The following CIB1 variants were observed in gnomAD, a reference collection of about 807,000 sequenced individuals.
CIB1 encodes the protein calcium and integrin-binding protein 1.
CIB1 carries 19 observed loss-of-function variants against 25.0 expected under a neutral mutation model. That is an observed-to-expected ratio of 0.76 (90% confidence interval 0.53 to 1.12). The LOEUF is 1.12. CIB1 is among the 50% of genes most tolerant of loss of function. The probability of loss-of-function intolerance (pLI) is 0.00; values close to 1 mark genes in which losing one functional copy is unlikely to be tolerated. For synonymous variants in CIB1, 104 were observed against 98.5 expected, an observed-to-expected ratio of 1.06 and a Z score of -0.33; for missense variants, 236 against 242.6, an observed-to-expected ratio of 0.97 and a Z score of 0.18.
the CIB1 span, chr15:90,262,010 G>GA: frequency 4.6e-6 from 7 of 1,532,138 alleles, no homozygotes; most frequent in Admixed American, 9.9e-5. Flanking sequence ...CCACAGGAAA[G>GA]AAAAAACTGA....
the CIB1 span, chr15:90,265,439 A>G: frequency 3.1e-6 from 4 of 1,308,320 alleles, no homozygotes; most frequent in South Asian, 7.1e-5. Context: ...GGCTCTTGGA[A>G]ACGGAATCCG....
the CIB1 span, chr15:90,257,588 G>T: frequency 7.1e-6 from 11 of 1,559,856 alleles, no homozygotes; most frequent in Non-Finnish European, 1.8e-6. Flanking sequence ...GGCTGGAGAG[G>T]ACGGCCGCAT....
At chr15:90,257,223 A>C in the CIB1 span, 11 of 1,614,068 alleles carry the variant, frequency 6.8e-6, no homozygotes, top group Non-Finnish European at 9.3e-6. Context: ...TTCACATATG[A>C]GGAGGGCCTA....
At chr15:90,258,528 T>C in the CIB1 span, 7 of 613,616 alleles carry the variant, frequency 1.1e-5, no homozygotes, top group South Asian at 1.2e-4. Flanking sequence ...AGGGACACAC[T>C]ATCTAGAGAG....
the CIB1 span, chr15:90,251,739 T>G: frequency 2.6e-6 from 2 of 761,694 alleles, no homozygotes; most frequent in Non-Finnish European, 4.5e-6. Context: ...GCTTCCTAGG[T>G]GTCCTCTGCC....
the CIB1 span, among the ~76,000 whole-genome samples, chr15:90,246,887 C>T: frequency 6.8e-6 from 1 of 147,982 alleles, no homozygotes; most frequent in Non-Finnish European, 1.5e-5. Context: ...AGAATAGTCC[C>T]TAGAACACTA....
At chr15:90,240,789 G>A in the CIB1 span, 1 of 690,636 alleles carries the variant, frequency 1.4e-6, no homozygotes, top group Non-Finnish European at 2.4e-6. Context: ...ACTCCAGCCT[G>A]GGTGACAGAG....
At chr15:90,262,158 C>T in the CIB1 span, 1 of 1,535,482 alleles carries the variant, frequency 6.5e-7, no homozygotes, top group African/African-American at 1.4e-5. Context: ...TTCCAAGAGA[C>T]TGCTGCTTCC....
At chr15:90,247,244 G>T in the CIB1 span, among the ~76,000 whole-genome samples, 1 of 150,802 alleles carries the variant, frequency 6.6e-6, no homozygotes, top group Non-Finnish European at 1.5e-5. Flanking sequence ...AAAGTGCTGG[G>T]ATTACAGCCA....
At position 90,230,355 on chromosome 15, in the gene CIB1, AG is replaced by A; in HGVS notation, c.*128del. On this transcript the variant is annotated 3_prime_UTR_variant, in exon 7 of 7. Coordinates refer to ENST00000328649, the MANE Select transcript of CIB1 (RefSeq NM_006384.4). Reference sequence around the variant, plus strand: ...ACGAGGGCCGCCCCTGCCCGGGGTGAGGCTGCACAGCGCCAGCTCCAGGCTG... The same window carrying A: ...ACGAGGGCCGCCCCTGCCCGGGGTGAGCTGCACAGCGCCAGCTCCAGGCTG... The A allele has an allele frequency of 9.2e-7, 1 of 1,088,504 alleles. No individual in the cohort carries two copies. The highest frequency in any genetic ancestry group is 1.4e-5 in the South Asian group (1 of 72,040). 67.4% of individuals were successfully genotyped at this position (1,088,504 alleles called of 1,614,324 possible).
chr15:90,243,035 A>G, the CIB1 span: 1 of 152,102 alleles, frequency 6.6e-6, no homozygotes, highest in East Asian at 1.9e-4. Context: ...GGGGTGTTAA[A>G]AAGGAGTGTG....
the CIB1 span, chr15:90,242,914 A>G: frequency 1.2e-4 from 18 of 152,308 alleles, no homozygotes; most frequent in African/African-American, 4.1e-4. Context: ...TGGTCTCTTT[A>G]AAGGGGAGCT....
upstream of CIB1, among the ~76,000 whole-genome samples, chr15:90,235,607 G>A (rs985155073): frequency 2.0e-5 from 3 of 151,534 alleles, no homozygotes; most frequent in Non-Finnish European, 2.9e-5. Context: ...TCGCTGTGTC[G>A]CCTAGGCTGG....
chr15:90,262,781 G>GT, the CIB1 span: 2 of 1,233,526 alleles, frequency 1.6e-6, no homozygotes, highest in Non-Finnish European at 2.2e-6. Context: ...AGAGAGAGGA[G>GT]TTCCTAATCA....
the CIB1 span, chr15:90,262,674 CA>C: frequency 2.0e-6 from 3 of 1,476,466 alleles, no homozygotes; most frequent in African/African-American, 4.3e-5. Flanking sequence ...AAAGAGGTGC[CA>C]GGGGTTTTGT....
the CIB1 span, chr15:90,241,682 C>T: frequency 6.2e-6 from 10 of 1,614,090 alleles, no homozygotes; most frequent in South Asian, 1.1e-5. Context: ...TCCTCTTTTA[C>T]ACTCGTGGGC....
the CIB1 span, chr15:90,265,371 C>A: frequency 7.5e-5 from 93 of 1,236,702 alleles, no homozygotes; most frequent in South Asian, 3.7e-5. Context: ...GAGCGGAAGC[C>A]CTGCCCACCG....
At chr15:90,261,653 G>C in the CIB1 span, among the ~76,000 whole-genome samples, 3 of 152,050 alleles carry the variant, frequency 2.0e-5, no homozygotes, top group African/African-American at 7.2e-5. Context: ...GGTGGTGCAT[G>C]CCTGTAATCC....
At chr15:90,238,246 G>A (rs561851932), upstream of CIB1, among the ~76,000 whole-genome samples, 1 of 152,336 alleles carries the variant, frequency 6.6e-6, no homozygotes, top group African/African-American at 2.4e-5. Flanking sequence ...GTTGCAGTGA[G>A]CCAAGATCGT....
Sources: allele counts gnomAD v4.1 joint callset (sites outside exome capture counted in the v4.1 genomes callset), GRCh38; gene constraint gnomAD v4.1.1; transcripts MANE v1.5; gene names NCBI Gene and HGNC (gene_info 2026-07-23, HGNC 2026-07-21).